CHD7: variants seen among roughly 807,000 people sequenced by gnomAD.
CHD7 encodes the protein chromodomain helicase DNA binding protein 7.
In CHD7, 24 loss-of-function variants were observed where a neutral mutation model predicts 307.3. The observed-to-expected ratio is 0.08, with a 90% CI of 0.06 to 0.11. CHD7 has a LOEUF of 0.11. CHD7 is among the 10% of genes least tolerant of loss of function. The pLI is 1.00. For missense variants in CHD7, 3,106 were observed against 3,727.1 expected, an observed-to-expected ratio of 0.83 and a Z score of 4.34; for synonymous variants, 1,363 against 1,349.9, an observed-to-expected ratio of 1.01 and a Z score of -0.21.
chr8:60,862,693 C>A, intron 37 of CHD7, 41 bp downstream of exon 37: 2 of 1,354,826 alleles, frequency 1.5e-6, no homozygotes, highest in South Asian at 2.5e-5. Flanking sequence ...GGTAGCTATA[C>A]AAAACTGTTT....
At chr8:60,863,134 C>T (rs1806081604) in intron 37 of CHD7, 3 of 154,640 alleles carry the variant, frequency 1.9e-5, no homozygotes, top group South Asian at 4.0e-4. Flanking sequence ...AAATGTCTTT[C>T]GGTGTAACAT....
rs1238335667 is a variant in CHD7, at chr8:60,828,659, T to C, written c.3379-4T>C. The C allele has an allele frequency of 2.5e-6, 4 of 1,599,678 alleles. No individual in the cohort carries two copies. Among genetic ancestry groups the C allele is most frequent in the Non-Finnish European group, 3.4e-6 (4 of 1,173,864 alleles). On this transcript the variant is annotated splice_region_variant and splice_polypyrimidine_tract_variant and intron_variant, in intron 13 of 37. Transcript: ENST00000423902. ...GGTTAGTGGCTTTCCTTGTGTTACCTCAGGAACACAAAGTGCTGCTGACGG... is the reference window on the plus strand; with the variant it reads ...GGTTAGTGGCTTTCCTTGTGTTACCCCAGGAACACAAAGTGCTGCTGACGG...
intron 1 of CHD7, among the ~76,000 whole-genome samples, chr8:60,697,974 G>A (rs1806568052): frequency 6.6e-6 from 1 of 152,144 alleles, no homozygotes; most frequent in Non-Finnish European, 1.5e-5. Context: ...ACTTTTTATA[G>A]TGTTAATCTG....
At chr8:60,845,177 A>G (rs1805151268) in intron 22 of CHD7, 73 bp from the exon 23 acceptor site, 2 of 1,574,146 alleles carry the variant, frequency 1.3e-6, no homozygotes, top group South Asian at 1.2e-5. Flanking sequence ...TGCCTCGTGC[A>G]TTAAGCTCTC....
chr8:60,805,356 T>C (rs759682690), intron 6 of CHD7, among the ~76,000 whole-genome samples: 6 of 152,168 alleles, frequency 3.9e-5, no homozygotes, highest in Admixed American at 2.0e-4. Context: ...TGATCCAATA[T>C]GTGTGGTCCA....
rs181645966 is a variant in CHD7 at position 60,711,648 on chromosome 8, G to A, written c.-174-29611G>A. The stretch of plus-strand genomic sequence containing the variant: ...AACTGAACACTGTGGTAAAGCATAC[G>A]ATTTGGAAGATGTCAAGTACAAAAT... On this transcript the variant is annotated intron_variant, in intron 1 of 37. Transcript: ENST00000423902. Among the ~76,000 whole-genome samples the A allele has an allele frequency of 3.5e-4, 53 of 152,302 alleles. No homozygotes were observed. The East Asian group carries it at 4.6e-3, about 13-fold the overall frequency.
chr8:60,853,101 G>A lies in CHD7; in HGVS notation c.6376G>A (p.Asp2126Asn). The A allele has an allele frequency of 6.2e-7, 1 of 1,613,894 alleles. No individual in the cohort carries two copies. Among genetic ancestry groups the A allele is most frequent in the Non-Finnish European group, 8.5e-7 (1 of 1,179,872 alleles). ...CAATGACCCTGAGTTATCCTTCTTG[G>A]ATGCACATAAAAACTTTGCTCAAAA... ...ILNDPELSFL[D>N]AHKNFAQNRG... is the part of the protein sequence containing the mutation. The change falls in exon 31 of 38, where the codon GAT becomes AAT. Residue 2126 changes from aspartate to asparagine, a missense_variant. By Grantham distance (23) the Asp-to-Asn change is conservative (BLOSUM62 1). Around this residue, in one of 10 missense-constraint regions of CHD7, gnomAD observed 1,030 missense variants for 1,165.4 expected, o/e 0.88. Transcript: ENST00000423902.
Position 60,739,749 on chromosome 8 carries a change from C to T in CHD7, c.-174-1510C>T, listed in dbSNP as rs138067924. On this transcript the variant is annotated intron_variant, in intron 1 of 37. Transcript: ENST00000423902. ...CCCTTGTTAGGAATGTGTTAGAATA[C>T]GGCAGGCAGAAACAGAATTTTTATG... 3.3e-3 allele frequency among the ~76,000 whole-genome samples: 508 copies of T among 152,294 alleles called. 7 individuals are homozygous for T. Among genetic ancestry groups the T allele is most frequent in the African/African-American group, 0.011 (458 of 41,554 alleles).
At chr8:60,851,009 A>C in intron 26 of CHD7, 23 bp from the exon 27 acceptor site, 1 of 1,517,136 alleles carries the variant, frequency 6.6e-7, no homozygotes, top group Non-Finnish European at 8.9e-7. Flanking sequence ...GATTCAAATA[A>C]TTTTTGTGTT....
intron 1 of CHD7, among the ~76,000 whole-genome samples, chr8:60,712,652 C>G (rs966603961): frequency 6.6e-6 from 1 of 152,226 alleles, no homozygotes. Flanking sequence ...TGCAGTGGCT[C>G]ATGCCTGTAA....
intron 1 of CHD7, among the ~76,000 whole-genome samples, chr8:60,690,600 A>G (rs937528180): frequency 2.6e-5 from 4 of 152,214 alleles, no homozygotes; most frequent in East Asian, 1.9e-4. Flanking sequence ...CAGCAGGATA[A>G]GGAAAACTGT....
intron 3 of CHD7, among the ~76,000 whole-genome samples, chr8:60,784,857 C>T (rs956873622): frequency 1.3e-5 from 2 of 152,132 alleles, no homozygotes; most frequent in Non-Finnish European, 2.9e-5. Context: ...ATGAGAAAAA[C>T]GGGCCACATT....
chr8:60,766,248 T>C (rs957583710), intron 2 of CHD7, among the ~76,000 whole-genome samples: 9 of 152,140 alleles, frequency 5.9e-5, no homozygotes, highest in Non-Finnish European at 1.2e-4. Flanking sequence ...GATGTGTAGC[T>C]TGTTGTCTGC....
Position 60,742,485 on chromosome 8 carries a change from A to T in CHD7, c.1053A>T (p.Val351=). The T allele has an allele frequency of 1.2e-6, 2 of 1,614,024 alleles. No individual in the cohort carries two copies. Among genetic ancestry groups the T allele is most frequent in the Non-Finnish European group, 1.7e-6 (2 of 1,179,868 alleles). The change falls in exon 2 of 38, where the codon GTA becomes GTT. Residue 351 remains valine, a synonymous_variant. Coordinates refer to ENST00000423902, the MANE Select transcript of CHD7 (RefSeq NM_017780.4). ...NQSVPRYPNA[V]GFPSNSGQGL... is the part of the protein sequence containing the mutation. The stretch of plus-strand genomic sequence containing the variant: ...CCGTACCAAGATACCCCAATGCTGT[A>T]GGATTCCCATCAAACAGTGGTCAAG...
intron 2 of CHD7, among the ~76,000 whole-genome samples, chr8:60,774,910 C>T (rs561962321): frequency 5.8e-4 from 88 of 152,202 alleles, no homozygotes; most frequent in African/African-American, 2.0e-3. Context: ...TCACTCCACT[C>T]CTAAATATGG....
Position 60,860,125 on chromosome 8 carries a change from C to T in CHD7, c.7609-779C>T, listed in dbSNP as rs997538685. On this transcript the variant is annotated intron_variant, in intron 34 of 37. Coordinates refer to ENST00000423902, the MANE Select transcript of CHD7 (RefSeq NM_017780.4). ...AGTGGTGGTCTTTCCAATGTTGCCA[C>T]ACATGTCTGAGACAAAGTGTCCCAC... Among the ~76,000 whole-genome samples, 4 of 152,328 alleles carry T rather than the reference C, an allele frequency of 2.6e-5. No homozygotes were observed. The South Asian group carries it at 8.3e-4, about 32-fold the overall frequency.
At chr8:60,682,122 T>C (rs1334008142) in intron 1 of CHD7, among the ~76,000 whole-genome samples, 1 of 152,206 alleles carries the variant, frequency 6.6e-6, no homozygotes, top group Non-Finnish European at 1.5e-5. Flanking sequence ...GTTGAAAATA[T>C]GGAAGTCAAA....
chr8:60,837,071 C>A, intron 17 of CHD7, 59 bp downstream of exon 17: 2 of 1,323,722 alleles, frequency 1.5e-6, no homozygotes, highest in South Asian at 1.3e-5. Flanking sequence ...CTTACTATGA[C>A]AGAGAGTACC....
chr8:60,768,042 T>C (rs1810554708), intron 2 of CHD7, among the ~76,000 whole-genome samples: 1 of 152,222 alleles, frequency 6.6e-6, no homozygotes, highest in South Asian at 2.1e-4. Flanking sequence ...TTTAGATTTG[T>C]ATTCTAGTAT....
Sources: allele counts gnomAD v4.1 joint callset (sites outside exome capture counted in the v4.1 genomes callset), GRCh38; gene constraint gnomAD v4.1.1; regional missense constraint gnomAD v4.1.1; transcripts MANE v1.5; gene names NCBI Gene and HGNC (gene_info 2026-07-23, HGNC 2026-07-21).